The following SLC9A7 variants were observed in gnomAD, a reference collection of about 807,000 sequenced individuals.
SLC9A7 encodes solute carrier family 9 member A7, also known as sodium/hydrogen exchanger 7.
In SLC9A7, 19 loss-of-function variants were observed where a neutral mutation model predicts 52.6. The observed-to-expected ratio is 0.36, with a 90% CI of 0.25 to 0.53. The LOEUF is 0.53. Among genes scored for constraint, SLC9A7 ranks in the 20% least tolerant of loss-of-function variants. SLC9A7 has a pLI of 0.91. For synonymous variants in SLC9A7, 226 were observed against 252.1 expected (o/e 0.90, Z 0.98); for missense variants, 455 against 597.9 (o/e 0.76, Z 2.49).
At position 46,651,339 on chromosome X, in the gene SLC9A7, C is replaced by T. The variant is rs1451040404; in HGVS notation, c.1213G>A (p.Glu405Lys). The change falls in exon 9 of 17, where the codon GAA becomes AAA. Residue 405 changes from glutamate (E) to lysine (K), a missense_variant. By Grantham distance (56) the Glu-to-Lys change is moderately conservative. Coordinates refer to ENST00000616978, the MANE Select transcript of SLC9A7 (RefSeq NM_001257291.2). ...ACCTGCTTGGTTCGACTTCTTGATT[C>T]CACCGACAGATTGTTGTAGGTGTAA... ...AHYTYNNLSVESRSRTKQLFE... is the reference protein window; with the variant it reads ...AHYTYNNLSVKSRSRTKQLFE... 5.8e-6 allele frequency: 7 copies of T among 1,206,595 alleles called. No individual in the cohort carries two copies. Among genetic ancestry groups the T allele is most frequent in the Non-Finnish European group, 7.8e-6 (7 of 893,695 alleles).
intron 7 of SLC9A7, among the ~76,000 whole-genome samples, chrX:46,654,156 G>A (rs781287753): frequency 2.7e-5 from 3 of 111,191 alleles, no homozygotes; most frequent in South Asian, 3.8e-4. Flanking sequence ...TTTGGGACCC[G>A]AGGCAGGTGG....
intron 11 of SLC9A7, chrX:46,646,680 T>C (rs1244206316): frequency 3.6e-6 from 1 of 279,692 alleles, no homozygotes; most frequent in Non-Finnish European, 7.0e-6. Flanking sequence ...ATGCGCCTGA[T>C]GTGCTTCAAG....
chrX:46,651,653 C>T (rs1397925708), intron 8 of SLC9A7, among the ~76,000 whole-genome samples: 1 of 109,453 alleles, frequency 9.1e-6, no homozygotes, highest in African/African-American at 3.3e-5. Flanking sequence ...CATGGTAAAA[C>T]CCCATCTCTA....
At chrX:46,718,416 G>T (rs1027297010) in intron 1 of SLC9A7, among the ~76,000 whole-genome samples, 2 of 111,900 alleles carry the variant, frequency 1.8e-5, no homozygotes, top group Non-Finnish European at 3.8e-5. Context: ...AACACCAAAA[G>T]CAATGGCAAC....
intron 1 of SLC9A7, among the ~76,000 whole-genome samples, chrX:46,688,006 C>T (rs938726215): frequency 2.7e-5 from 3 of 112,427 alleles, no homozygotes; most frequent in African/African-American, 9.7e-5. Context: ...AGGCATGTAT[C>T]AGTACTTCAT....
intron 5 of SLC9A7, among the ~76,000 whole-genome samples, chrX:46,666,310 T>C (rs1420904450): frequency 1.8e-5 from 2 of 111,504 alleles, no homozygotes; most frequent in African/African-American, 6.5e-5. Flanking sequence ...AGTTCTACTA[T>C]GTTGCCCAGG....
intron 7 of SLC9A7, among the ~76,000 whole-genome samples, chrX:46,656,700 C>A (rs1367996965): frequency 9.0e-6 from 1 of 111,644 alleles, no homozygotes; most frequent in African/African-American, 3.3e-5. Context: ...TGAGCAAAGC[C>A]TCCAAGAAAT....
intron 1 of SLC9A7, among the ~76,000 whole-genome samples, chrX:46,732,715 TCTA>T: frequency 8.9e-6 from 1 of 111,930 alleles, no homozygotes; most frequent in East Asian, 2.8e-4. Flanking sequence ...TACCTTTTAA[TCTA>T]ACAGTCCCAC....
chrX:46,652,401 C>T (rs751584556), intron 8 of SLC9A7, among the ~76,000 whole-genome samples: 158 of 91,577 alleles, frequency 1.7e-3, no homozygotes, highest in African/African-American at 6.0e-3. Flanking sequence ...ATCCACCTGC[C>T]TTGGCCCCAA....
At chrX:46,688,079 C>A (rs1944323908) in intron 1 of SLC9A7, among the ~76,000 whole-genome samples, 1 of 112,197 alleles carries the variant, frequency 8.9e-6, no homozygotes, top group Non-Finnish European at 1.9e-5. Flanking sequence ...TGTCCATTAA[C>A]TAATCAATAA....
chrX:46,730,689 T>A (rs1485256831), intron 1 of SLC9A7, among the ~76,000 whole-genome samples: 2 of 70,751 alleles, frequency 2.8e-5, no homozygotes, highest in African/African-American at 4.8e-5. Flanking sequence ...TATATATATA[T>A]ATATATATAT....
intron 12 of SLC9A7, among the ~76,000 whole-genome samples, chrX:46,637,085 C>T (rs891655455): frequency 6.2e-5 from 7 of 112,064 alleles, no homozygotes; most frequent in African/African-American, 1.9e-4. Flanking sequence ...AATATAACAG[C>T]TAAAATATAC....
At chrX:46,672,755 T>A in intron 3 of SLC9A7, 128 bp from the exon 4 acceptor site, 2 of 477,124 alleles carry the variant, frequency 4.2e-6, no homozygotes, top group Non-Finnish European at 7.1e-6. Context: ...AAGTAACAAC[T>A]GAAGTTACTC....
At chrX:46,646,733 T>C in intron 11 of SLC9A7, 1 of 304,175 alleles carries the variant, frequency 3.3e-6, no homozygotes, top group African/African-American at 2.7e-5. Context: ...AGTCAGCAGG[T>C]TCTGCTCTGC....
chrX:46,632,251 G>A (rs914877671), intron 13 of SLC9A7, among the ~76,000 whole-genome samples: 5 of 111,602 alleles, frequency 4.5e-5, no homozygotes, highest in South Asian at 3.7e-4. Context: ...AATACTTCAC[G>A]TGCATATTGA....
intron 7 of SLC9A7, among the ~76,000 whole-genome samples, chrX:46,657,965 C>G (rs1227842977): frequency 2.5e-3 from 266 of 104,355 alleles, no homozygotes; most frequent in Non-Finnish European, 3.7e-3. Flanking sequence ...TGACCACATA[C>G]TTGGAAGTAA....
chrX:46,721,345 T>C (rs1207980869), intron 1 of SLC9A7, among the ~76,000 whole-genome samples: 2 of 111,655 alleles, frequency 1.8e-5, no homozygotes, highest in Non-Finnish European at 1.9e-5. Context: ...CACTGTTCTA[T>C]TGTTATAAGC....
At chrX:46,751,581 G>A (rs1459705903) in intron 1 of SLC9A7, among the ~76,000 whole-genome samples, 4 of 111,532 alleles carry the variant, frequency 3.6e-5, no homozygotes, top group Non-Finnish European at 7.5e-5. Flanking sequence ...GCCGAGGCAG[G>A]TGGATGGCTT....
intron 16 of SLC9A7, among the ~76,000 whole-genome samples, chrX:46,611,772 G>A (rs974036451): frequency 8.9e-6 from 1 of 112,210 alleles, no homozygotes; most frequent in South Asian, 3.7e-4. Flanking sequence ...TGACTTGGCA[G>A]TTGTCATCCC....
Sources: allele counts gnomAD v4.1 joint callset (sites outside exome capture counted in the v4.1 genomes callset), GRCh38; gene constraint gnomAD v4.1.1; transcripts MANE v1.5; gene names NCBI Gene and HGNC (gene_info 2026-07-23, HGNC 2026-07-21).